KLF8: variants seen among roughly 807,000 people sequenced by gnomAD.
KLF8 encodes KLF transcription factor 8, also known as Krueppel-like factor 8.
KLF8 carries 10 observed loss-of-function variants against 18.2 expected under a neutral mutation model. The observed-to-expected ratio is 0.55, with a 90% CI of 0.34 to 0.93. KLF8 has a LOEUF of 0.93. Ranked by LOEUF, KLF8 falls within the 40% of genes least tolerant of loss-of-function variation. The pLI, the probability that KLF8 is intolerant of heterozygous loss-of-function variation, is 0.02. For synonymous variants in KLF8, 109 were observed against 97.3 expected (o/e 1.12, Z -0.71); for missense variants, 264 against 277.9 (o/e 0.95, Z 0.36).
At chrX:56,088,074 T>C in the KLF8 span, among the ~76,000 whole-genome samples, 1 of 111,865 alleles carries the variant, frequency 8.9e-6, no homozygotes, top group African/African-American at 3.2e-5. Flanking sequence ...TGTGTAGTGA[T>C]GATTTGGGAA....
chrX:56,136,814 G>A, the KLF8 span, among the ~76,000 whole-genome samples: 1 of 110,208 alleles, frequency 9.1e-6, no homozygotes, highest in Admixed American at 9.7e-5. Flanking sequence ...AGAGTGAACA[G>A]GCAACCTACA....
chrX:56,183,048 G>T, the KLF8 span, among the ~76,000 whole-genome samples: 1 of 112,382 alleles, frequency 8.9e-6, no homozygotes, highest in African/African-American at 3.2e-5. Flanking sequence ...CTTTTATTCC[G>T]CTATGCCCTG....
chrX:56,055,061 T>G, the KLF8 span, among the ~76,000 whole-genome samples: 3 of 111,735 alleles, frequency 2.7e-5, no homozygotes, highest in Non-Finnish European at 3.8e-5. Context: ...AATTGGGGCA[T>G]TTGGCCTGTT....
chrX:56,080,553 C>A, the KLF8 span, among the ~76,000 whole-genome samples: 1 of 111,210 alleles, frequency 9.0e-6, no homozygotes, highest in South Asian at 3.8e-4. Flanking sequence ...TGAGGGTAAC[C>A]CGACCTTTCT....
the KLF8 span, among the ~76,000 whole-genome samples, chrX:55,945,928 G>C: frequency 3.6e-5 from 4 of 111,044 alleles, no homozygotes; most frequent in African/African-American, 1.3e-4. Flanking sequence ...CAACTTGCAA[G>C]GGATGTGAAG....
the KLF8 span, among the ~76,000 whole-genome samples, chrX:56,051,227 G>A: frequency 9.0e-6 from 1 of 111,212 alleles, no homozygotes; most frequent in Non-Finnish European, 1.9e-5. Context: ...TATCCAATTT[G>A]CCAGTCTGTG....
chrX:56,192,652 C>T, the KLF8 span, among the ~76,000 whole-genome samples: 1 of 111,687 alleles, frequency 9.0e-6, no homozygotes, highest in Admixed American at 9.5e-5. Flanking sequence ...AACCTGGAAA[C>T]AAATCCATAT....
chrX:56,155,088 A>C, the KLF8 span, among the ~76,000 whole-genome samples: 1 of 111,771 alleles, frequency 8.9e-6, no homozygotes, highest in Admixed American at 9.5e-5. Flanking sequence ...CATTTGACTC[A>C]GCCATCCCAT....
At chrX:56,126,873 C>A in the KLF8 span, among the ~76,000 whole-genome samples, 1 of 108,579 alleles carries the variant, frequency 9.2e-6, no homozygotes, top group African/African-American at 3.4e-5. Flanking sequence ...CTGCCTCAGC[C>A]TCCTGAGTAG....
At chrX:56,037,682 T>A in the KLF8 span, among the ~76,000 whole-genome samples, 1 of 110,809 alleles carries the variant, frequency 9.0e-6, no homozygotes, top group South Asian at 3.8e-4. Context: ...TTCTTTAATT[T>A]TTGTGTTTAC....
chrX:55,915,524 G>C, the KLF8 span, among the ~76,000 whole-genome samples: 1 of 111,921 alleles, frequency 8.9e-6, no homozygotes, highest in Admixed American at 9.5e-5. Context: ...AGATTTTGCT[G>C]ACCGAGGTCA....
chrX:56,035,774 G>A, the KLF8 span, among the ~76,000 whole-genome samples: 2 of 111,702 alleles, frequency 1.8e-5, no homozygotes, highest in East Asian at 2.8e-4. Flanking sequence ...TTTGAGAAAT[G>A]TCTGTTCAGA....
the KLF8 span, among the ~76,000 whole-genome samples, chrX:56,155,435 TCA>T: frequency 9.1e-6 from 1 of 110,016 alleles, no homozygotes; most frequent in Non-Finnish European, 1.9e-5. Flanking sequence ...AAGGGGGACA[TCA>T]CACACCGGGG....
At chrX:56,109,200 TC>T in the KLF8 span, among the ~76,000 whole-genome samples, 353 of 110,825 alleles carry the variant, frequency 3.2e-3, 1 homozygote, top group Non-Finnish European at 4.6e-3. Context: ...TTTGAGACCT[TC>T]CTAAGCAACA....
chrX:56,110,790 CA>C, the KLF8 span, among the ~76,000 whole-genome samples: 3 of 111,846 alleles, frequency 2.7e-5, no homozygotes, highest in African/African-American at 9.7e-5. Flanking sequence ...TAATCTAATA[CA>C]TTAACATGTA....
the KLF8 span, among the ~76,000 whole-genome samples, chrX:56,154,565 C>T: frequency 1.7e-4 from 19 of 112,006 alleles, no homozygotes; most frequent in African/African-American, 4.5e-4. Flanking sequence ...ATGTCTAAAA[C>T]GCCAAAAGCA....
chrX:55,994,410 T>A, the KLF8 span, among the ~76,000 whole-genome samples: 4 of 110,678 alleles, frequency 3.6e-5, no homozygotes, highest in East Asian at 1.1e-3. Context: ...GGCTTTCACG[T>A]CTAAATTTTG....
the KLF8 span, among the ~76,000 whole-genome samples, chrX:55,941,975 T>C: frequency 1.8e-5 from 2 of 111,505 alleles, no homozygotes; most frequent in African/African-American, 6.5e-5. Context: ...TTCAGGGATC[T>C]AGAACTAGAA....
At chrX:56,165,286 G>A in the KLF8 span, among the ~76,000 whole-genome samples, 1 of 111,803 alleles carries the variant, frequency 8.9e-6, no homozygotes, top group Non-Finnish European at 1.9e-5. Flanking sequence ...AGCCAGATTC[G>A]AAGCCAACCA....
Sources: allele counts gnomAD v4.1 joint callset (sites outside exome capture counted in the v4.1 genomes callset), GRCh38; gene constraint gnomAD v4.1.1; transcripts MANE v1.5; gene names NCBI Gene and HGNC (gene_info 2026-07-23, HGNC 2026-07-21).